The following CFDP1 variants were observed in gnomAD, a reference collection of about 807,000 sequenced individuals.
CFDP1 encodes chromatin remodeling protein CFDP1, also known as heterochromatin-stabilizing protein CFDP1.
CFDP1 carries 31 observed loss-of-function variants against 40.1 expected under a neutral mutation model. The ratio of observed to expected loss-of-function variants is 0.77; its 90% CI spans 0.58 to 1.04. The LOEUF (loss-of-function observed/expected upper bound fraction) is 1.04. Among genes scored for constraint, CFDP1 ranks in the 50% least tolerant of loss-of-function variants. The pLI is 0.00. For missense variants in CFDP1, 423 were observed against 343.4 expected (o/e 1.23, Z -1.83); for synonymous variants, 167 against 120.0 (o/e 1.39, Z -2.56).
intron 4 of CFDP1, among the ~76,000 whole-genome samples, chr16:75,401,607 T>TA (rs924687793): frequency 6.0e-5 from 9 of 151,074 alleles, no homozygotes; most frequent in African/African-American, 9.7e-5. Flanking sequence ...CTCAGAAAAA[T>TA]AAAAAAAAGA....
intron 5 of CFDP1, among the ~76,000 whole-genome samples, chr16:75,344,516 T>C (rs9972714): frequency 0.22 from 33,576 of 152,152 alleles, 4,173 homozygotes; most frequent in African/African-American, 0.34. Flanking sequence ...TATTTTATAG[T>C]AGGCGTGTAT....
chr16:75,399,371 G>T (rs2079028361), intron 4 of CFDP1, among the ~76,000 whole-genome samples: 1 of 152,142 alleles, frequency 6.6e-6, no homozygotes, highest in Non-Finnish European at 1.5e-5. Flanking sequence ...GGGCAGACCA[G>T]CTAATGAAGA....
At chr16:75,388,193 G>T (rs756855089) in intron 5 of CFDP1, among the ~76,000 whole-genome samples, 1 of 152,134 alleles carries the variant, frequency 6.6e-6, no homozygotes, top group Non-Finnish European at 1.5e-5. Flanking sequence ...CTGTGAAATG[G>T]GCACAAAGTT....
chr16:75,418,995 TAGTC>T (rs1317639662), intron 1 of CFDP1: 6 of 293,540 alleles, frequency 2.0e-5, no homozygotes, highest in South Asian at 5.3e-5. Flanking sequence ...TTTAAAAAAT[TAGTC>T]AGGCATGGTG....
intron 5 of CFDP1, among the ~76,000 whole-genome samples, chr16:75,322,708 G>C (rs938173391): frequency 6.6e-6 from 1 of 151,572 alleles, no homozygotes; most frequent in Admixed American, 6.6e-5. Context: ...GGAGCATTTC[G>C]AATTTTGAAT....
At chr16:75,377,891 C>T (rs1264212403) in intron 5 of CFDP1, among the ~76,000 whole-genome samples, 1 of 152,194 alleles carries the variant, frequency 6.6e-6, no homozygotes, top group African/African-American at 2.4e-5. Flanking sequence ...TGTAACGTCC[C>T]CTACATCTAT....
At chr16:75,431,902 ACTGG>A (rs1325260774) in intron 1 of CFDP1, among the ~76,000 whole-genome samples, 1 of 145,260 alleles carries the variant, frequency 6.9e-6, no homozygotes, top group Non-Finnish European at 1.5e-5. Context: ...GGGTGATGGG[ACTGG>A]CTAACTTTTT....
rs59662956 is a variant in CFDP1 at position 75,421,669 on chromosome 16, C to A, written c.65-6974G>T. ...AGCATACAAGGTGAATAAAAAATCA[C>A]CCTGGAAGAAACAAAGCCTGTATTT... On this transcript the variant is annotated intron_variant, in intron 1 of 6. Transcript: ENST00000283882. 7.7e-3 allele frequency among the ~76,000 whole-genome samples: 1,174 copies of A among 152,274 alleles called. 20 individuals are homozygous for A. Among genetic ancestry groups the A allele is most frequent in the African/African-American group, 0.023 (969 of 41,568 alleles).
chr16:75,417,483 T>C (rs1222280352), intron 1 of CFDP1, among the ~76,000 whole-genome samples: 1 of 152,192 alleles, frequency 6.6e-6, no homozygotes, highest in East Asian at 1.9e-4. Flanking sequence ...AAAAGAACAG[T>C]GTATGAAATA....
At chr16:75,412,868 C>A in intron 2 of CFDP1, 114 bp from the exon 3 acceptor site, 1 of 764,864 alleles carries the variant, frequency 1.3e-6, no homozygotes, top group East Asian at 2.5e-5. Flanking sequence ...AATTCTGGGA[C>A]TACTGGTTAA....
intron 5 of CFDP1, among the ~76,000 whole-genome samples, chr16:75,347,495 C>A (rs560740801): frequency 6.6e-6 from 1 of 151,438 alleles, no homozygotes; most frequent in Non-Finnish European, 1.5e-5. Flanking sequence ...CTGGTTAACA[C>A]GGTGAAACCC....
chr16:75,418,300 C>G (rs1430619877), intron 1 of CFDP1, among the ~76,000 whole-genome samples: 1 of 128,476 alleles, frequency 7.8e-6, no homozygotes, highest in Non-Finnish European at 1.6e-5. Flanking sequence ...AATATGAACT[C>G]TAACCCTTTT....
chr16:75,413,123 G>A (rs1321549022), intron 2 of CFDP1, among the ~76,000 whole-genome samples: 1 of 152,100 alleles, frequency 6.6e-6, no homozygotes, highest in African/African-American at 2.4e-5. Context: ...AGACATTGTT[G>A]ACTTTTTAAA....
intron 5 of CFDP1, among the ~76,000 whole-genome samples, chr16:75,347,707 A>C (rs1264611491): frequency 1.3e-5 from 2 of 152,216 alleles, no homozygotes; most frequent in African/African-American, 4.8e-5. Context: ...AAGCAATACA[A>C]AACCATAAAT....
At chr16:75,394,938 C>G in intron 5 of CFDP1, 152 bp downstream of exon 5, 2 of 990,824 alleles carry the variant, frequency 2.0e-6, no homozygotes, top group Non-Finnish European at 2.8e-6. Context: ...TCCTTTGCAT[C>G]TTCCATTCTG....
chr16:75,354,883 T>C (rs1387150260), intron 5 of CFDP1, among the ~76,000 whole-genome samples: 1 of 152,188 alleles, frequency 6.6e-6, no homozygotes, highest in Non-Finnish European at 1.5e-5. Flanking sequence ...ATATAAGATG[T>C]TAACATCAGA....
intron 6 of CFDP1, among the ~76,000 whole-genome samples, chr16:75,304,311 G>A (rs1232210392): frequency 6.6e-6 from 1 of 152,112 alleles, no homozygotes; most frequent in Non-Finnish European, 1.5e-5. Context: ...CAAGTGATCT[G>A]CCCGCCTCGG....
At chr16:75,329,003 T>A (rs1474928270) in intron 5 of CFDP1, among the ~76,000 whole-genome samples, 2 of 152,002 alleles carry the variant, frequency 1.3e-5, no homozygotes, top group Admixed American at 6.6e-5. Context: ...TGCGCCACCA[T>A]GCCTGGCTAA....
intron 6 of CFDP1, among the ~76,000 whole-genome samples, chr16:75,300,073 A>T (rs2151498142): frequency 6.6e-6 from 1 of 152,180 alleles, no homozygotes; most frequent in East Asian, 1.9e-4. Context: ...AGAGATGAAA[A>T]ATGGTATTTT....
Sources: gnomAD v4.1 joint callset for allele counts (sites outside exome capture counted in the v4.1 genomes callset) on GRCh38, gnomAD v4.1.1 for gene constraint, MANE v1.5 for transcripts, NCBI Gene and HGNC (gene_info 2026-07-23, HGNC 2026-07-21) for gene names.